The following NIPBL variants were observed in gnomAD, a reference collection of about 807,000 sequenced individuals.
NIPBL encodes the protein nipped-B-like protein.
Under a neutral mutation model 321.8 loss-of-function variants are expected in NIPBL, and 19 were observed. That is an observed-to-expected ratio of 0.06 (90% CI 0.04 to 0.09). NIPBL has a LOEUF of 0.09. Ranked by LOEUF, NIPBL falls within the 10% of genes least tolerant of loss-of-function variation. The pLI is 1.00. For missense variants in NIPBL, 2,210 were observed against 3,327.0 expected (o/e 0.66, Z 8.26); for synonymous variants, 1,106 against 1,114.1 (o/e 0.99, Z 0.14).
At chr5:37,012,842 T>C (rs1386788135) in intron 21 of NIPBL, among the ~76,000 whole-genome samples, 1 of 152,146 alleles carries the variant, frequency 6.6e-6, no homozygotes, top group Non-Finnish European at 1.5e-5. Context: ...CAGAACAAAA[T>C]AAAAAGTCTC....
intron 1 of NIPBL, among the ~76,000 whole-genome samples, chr5:36,899,843 G>A (rs932796931): frequency 1.3e-5 from 2 of 152,010 alleles, no homozygotes; most frequent in Non-Finnish European, 2.9e-5. Context: ...TACTGTTCTT[G>A]GACTTTATGA....
intron 1 of NIPBL, among the ~76,000 whole-genome samples, chr5:36,907,306 A>G (rs906906626): frequency 3.3e-5 from 5 of 152,176 alleles, no homozygotes; most frequent in Non-Finnish European, 7.4e-5. Flanking sequence ...ATTGTAAGAT[A>G]TTTTGTTAGG....
intron 23 of NIPBL, among the ~76,000 whole-genome samples, chr5:37,016,486 A>G (rs754920842): frequency 3.9e-5 from 6 of 152,116 alleles, no homozygotes; most frequent in Non-Finnish European, 8.8e-5. Context: ...CAAGAAAATG[A>G]TTAATATAGA....
intron 1 of NIPBL, among the ~76,000 whole-genome samples, chr5:36,902,262 A>T (rs1747293295): frequency 6.6e-6 from 1 of 152,236 alleles, no homozygotes. Flanking sequence ...CTTTAGTTTA[A>T]TTAGATCCAG....
intron 1 of NIPBL, among the ~76,000 whole-genome samples, chr5:36,927,683 A>T (rs1749467893): frequency 6.6e-6 from 1 of 152,232 alleles, no homozygotes; most frequent in African/African-American, 2.4e-5. Context: ...CACGAAGAAC[A>T]GTATAAGGAA....
chr5:36,965,898 T>A (rs1742147988), intron 6 of NIPBL, among the ~76,000 whole-genome samples: 1 of 152,048 alleles, frequency 6.6e-6, no homozygotes, highest in Non-Finnish European at 1.5e-5. Flanking sequence ...CGTGAGACAG[T>A]TTAGACTATT....
Position 37,046,109 on chromosome 5 carries a change from G to A in NIPBL, c.6499G>A (p.Val2167Ile), listed in dbSNP as rs750862610. 2.0e-6 allele frequency: 3 copies of A among 1,471,364 alleles called. No homozygotes were observed. Among genetic ancestry groups the A allele is most frequent in the South Asian group, 2.3e-5 (2 of 87,938 alleles). 91.1% of individuals were successfully genotyped at this position (1,471,364 alleles called of 1,614,324 possible). ...CTTTAATGTGTTTTCCTCCCCTTAGGTTAACATAAAAGATAAAGTACTTGA... is the reference window on the plus strand; with the variant it reads ...CTTTAATGTGTTTTCCTCCCCTTAGATTAACATAAAAGATAAAGTACTTGA... The part of the protein sequence containing the change: ...DLEDFKGNSK[V>I]NIKDKVLELL... Residue 2167 changes from valine to isoleucine, a missense_variant and splice_region_variant, in exon 38 of 47, where the codon GTT (valine) becomes ATT (isoleucine). Physicochemically the swap from Val to Ile is conservative, Grantham distance 29. Transcript: ENST00000282516.
At chr5:36,913,996 T>A (rs1748252649) in intron 1 of NIPBL, among the ~76,000 whole-genome samples, 1 of 152,236 alleles carries the variant, frequency 6.6e-6, no homozygotes, top group South Asian at 2.1e-4. Flanking sequence ...AGGAAATAGA[T>A]CTACTCCATA....
At position 37,000,507 on chromosome 5, in the gene NIPBL, C is replaced by G. The variant is rs866740147; in HGVS notation, c.3439C>G (p.Arg1147Gly). The change falls in exon 12 of 47, where the codon CGA becomes GGA. Residue 1147 changes from arginine to glycine, a missense_variant. Physicochemically the swap from Arg to Gly is moderately radical, Grantham distance 125. Coordinates refer to ENST00000282516, the MANE Select transcript of NIPBL (RefSeq NM_133433.4). The stretch of plus-strand genomic sequence containing the variant: ...AAGGAGTTCAGGTGGTGGTCGTTAT[C>G]GAAACCGAAGTCCGTCAGATTCTGA... ...GRRSSGGGRY[R>G]NRSPSDSDME... is the part of the protein sequence containing the mutation. 4 of 1,613,298 alleles carry G rather than the reference C, an allele frequency of 2.5e-6. No individual in the cohort carries two copies. The highest frequency in any genetic ancestry group is 2.7e-5 in the African/African-American group (2 of 74,872).
chr5:37,017,251 T>G, intron 24 of NIPBL, 89 bp downstream of exon 24: 2 of 1,296,940 alleles, frequency 1.5e-6, no homozygotes, highest in Non-Finnish European at 2.2e-6. Flanking sequence ...TCATTTTGTG[T>G]GGATTCAAAA....
At chr5:37,032,876 G>A (rs1043597033) in intron 32 of NIPBL, among the ~76,000 whole-genome samples, 2 of 152,020 alleles carry the variant, frequency 1.3e-5, no homozygotes, top group Admixed American at 1.3e-4. Context: ...GAAATTTTTC[G>A]TAATATTAAG....
In NIPBL at chr5:36,898,136, TAAAG is replaced by T. The variant is rs1289341316; in HGVS notation, c.-80+20960_-80+20963del. On this transcript the variant is annotated intron_variant, in intron 1 of 46. Coordinates refer to ENST00000282516, the MANE Select transcript of NIPBL (RefSeq NM_133433.4). ...CCAAACTTACTAGCAGTTAGAGAAA[TAAAG>T]AGTAAAAATCTAGCTAGCTTATTAT... 2.6e-5 allele frequency among the ~76,000 whole-genome samples: 4 copies of T among 152,156 alleles called. No individual in the cohort carries two copies. The East Asian group carries it at 5.8e-4, about 22-fold the overall frequency.
chr5:36,892,220 A>G (rs1332130098), intron 1 of NIPBL, among the ~76,000 whole-genome samples: 2 of 152,212 alleles, frequency 1.3e-5, no homozygotes, highest in Non-Finnish European at 2.9e-5. Flanking sequence ...GAGAAATGCA[A>G]ATCAAAACTG....
At chr5:37,056,488 T>C (rs1754104053) in intron 42 of NIPBL, among the ~76,000 whole-genome samples, 1 of 152,206 alleles carries the variant, frequency 6.6e-6, no homozygotes, top group Admixed American at 6.5e-5. Flanking sequence ...AGCAAGCAAC[T>C]AAATAATCAT....
At chr5:37,058,511 G>T (rs567873014) in intron 43 of NIPBL, among the ~76,000 whole-genome samples, 1 of 152,220 alleles carries the variant, frequency 6.6e-6, no homozygotes, top group South Asian at 2.1e-4. Flanking sequence ...CTAGAAGCTG[G>T]GATGTCCAAG....
intron 1 of NIPBL, among the ~76,000 whole-genome samples, chr5:36,924,876 C>T (rs1199627938): frequency 6.6e-6 from 1 of 152,170 alleles, no homozygotes; most frequent in Non-Finnish European, 1.5e-5. Context: ...CTGGGGGCCT[C>T]TATTAAAGGC....
At chr5:37,016,656 G>A (rs936925185) in intron 23 of NIPBL, among the ~76,000 whole-genome samples, 1 of 152,076 alleles carries the variant, frequency 6.6e-6, no homozygotes, top group East Asian at 1.9e-4. Flanking sequence ...ACCTTTTTGT[G>A]AATGGGAAAA....
Position 37,044,787 on chromosome 5 carries a change from C to T in NIPBL, c.6343+58C>T, listed in dbSNP as rs563477440. The T allele has an allele frequency of 3.9e-5, 45 of 1,157,638 alleles. No individual in the cohort carries two copies. The East Asian group carries it at 1.1e-3, about 27-fold the overall frequency. The allele number at this position is 1,157,638 out of a possible 1,614,324, so 71.7% of individuals were successfully genotyped here. A position where few individuals can be genotyped will look rare whatever the true frequency, so the allele number is the denominator to read the frequency against. ...TGCTAGGTCCTGCAGGGGGTCAGCT[C>T]ATTTTAAACACATTTGATAAAAGGC... On this transcript the variant is annotated intron_variant, in intron 36 of 46. Transcript: ENST00000282516.
chr5:36,976,473 C>T, intron 9 of NIPBL, 71 bp downstream of exon 9: 1 of 1,506,404 alleles, frequency 6.6e-7, no homozygotes, highest in East Asian at 2.3e-5. Context: ...AAATTTTTTT[C>T]ACATTACTTT....
Sources: gnomAD v4.1 joint callset for allele counts (sites outside exome capture counted in the v4.1 genomes callset) on GRCh38, gnomAD v4.1.1 for gene constraint, MANE v1.5 for transcripts, NCBI Gene and HGNC (gene_info 2026-07-23, HGNC 2026-07-21) for gene names.